Variants in NFIB observed in about 807,000 individuals in gnomAD.
NFIB encodes the protein nuclear factor I B.
In NFIB, 11 loss-of-function variants were observed where a neutral mutation model predicts 61.5. The ratio of observed to expected loss-of-function variants is 0.18; its 90% CI spans 0.11 to 0.30. The LOEUF is 0.30. Among genes scored for constraint, NFIB ranks in the 10% least tolerant of loss-of-function variants. The probability of loss-of-function intolerance (pLI) is 1.00; values close to 1 mark genes in which losing one functional copy is unlikely to be tolerated. For synonymous variants in NFIB, 260 were observed against 216.5 expected, an observed-to-expected ratio of 1.20 and a Z score of -1.76; for missense variants, 471 against 608.9, an observed-to-expected ratio of 0.77 and a Z score of 2.38.
rs141278178 is a variant in NFIB at position 14,106,738 on chromosome 9, T to C, written c.1467+6261A>G. On this transcript the variant is annotated intron_variant, in intron 10 of 10. Transcript: ENST00000380953. ...AATATTGCTTGTGACTTCAGACTAATAGTTTGTTTATTCAAATGGGGGTCC... is the reference window on the plus strand; with the variant it reads ...AATATTGCTTGTGACTTCAGACTAACAGTTTGTTTATTCAAATGGGGGTCC... 5.4e-3 allele frequency among the ~76,000 whole-genome samples: 828 copies of C among 152,200 alleles called. 9 individuals are homozygous for C. Among genetic ancestry groups the C allele is most frequent in the African/African-American group, 0.017 (713 of 41,548 alleles).
At chr9:14,355,851 G>A (rs1340256244) in intron 1 of NFIB, among the ~76,000 whole-genome samples, 1 of 152,226 alleles carries the variant, frequency 6.6e-6, no homozygotes, top group Non-Finnish European at 1.5e-5. Context: ...CAGCTACTCC[G>A]GAGGCTGAGG....
At chr9:14,408,242 C>CT in the NFIB span, among the ~76,000 whole-genome samples, 1 of 152,276 alleles carries the variant, frequency 6.6e-6, no homozygotes, top group South Asian at 2.1e-4. Flanking sequence ...CATTAAGAGT[C>CT]TAAGTTTAGC....
In NFIB at chr9:14,313,637, C is replaced by G. The variant is rs556490284; in HGVS notation, c.-126G>C. 6.4e-7 allele frequency: 1 copy of G among 1,559,320 alleles called. No individual in the cohort carries two copies. Among genetic ancestry groups the G allele is most frequent in the Non-Finnish European group, 8.7e-7 (1 of 1,153,624 alleles). On this transcript the variant is annotated 5_prime_UTR_variant, in exon 1 of 11. Transcript: ENST00000380953. This position sits in a 1 kb window ranked among gnomAD's most constrained non-coding sequence, Gnocchi z 4.5. Reference sequence around the variant, plus strand: ...CGATCAATCAGGACGGGGCTCTGCGCTGGATCACCGCAACTTCACAACAAA... The same window carrying G: ...CGATCAATCAGGACGGGGCTCTGCGGTGGATCACCGCAACTTCACAACAAA...
At chr9:14,398,594 A>G (rs1166316087) in exon 1 of NFIB, 30 of 1,534,668 alleles carry the variant, frequency 2.0e-5, no homozygotes, top group Admixed American at 1.6e-4. Context: ...TGCACAGCAG[A>G]CAACCCAGAA....
chr9:14,410,752 T>A, the NFIB span, among the ~76,000 whole-genome samples: 1 of 152,186 alleles, frequency 6.6e-6, no homozygotes, highest in Non-Finnish European at 1.5e-5. Flanking sequence ...CCCACTTTCC[T>A]AAACATGAGG....
At chr9:14,153,299 C>CTA (rs1452175119) in intron 4 of NFIB, among the ~76,000 whole-genome samples, 1 of 152,018 alleles carries the variant, frequency 6.6e-6, no homozygotes, top group Non-Finnish European at 1.5e-5. Context: ...GGCCAAAGTA[C>CTA]TAAAACAACA....
the NFIB span, among the ~76,000 whole-genome samples, chr9:14,412,237 A>G: frequency 6.6e-5 from 10 of 152,232 alleles, no homozygotes; most frequent in African/African-American, 2.2e-4. Context: ...GTGTTCCCAC[A>G]TAATGTATTG....
At chr9:14,294,456 AT>A (rs1376088142) in intron 2 of NFIB, among the ~76,000 whole-genome samples, 1 of 152,216 alleles carries the variant, frequency 6.6e-6, no homozygotes, top group Non-Finnish European at 1.5e-5. Flanking sequence ...ATCATATCAA[AT>A]CTTTCTGCCA....
chr9:14,275,890 TTGTTGA>T (rs2057963124), intron 2 of NFIB, among the ~76,000 whole-genome samples: 1 of 152,042 alleles, frequency 6.6e-6, no homozygotes. Context: ...AGACTAAAAG[TTGTTGA>T]TGTTCAAAAC....
At chr9:14,498,239 G>A in the NFIB span, among the ~76,000 whole-genome samples, 3 of 152,190 alleles carry the variant, frequency 2.0e-5, no homozygotes, top group African/African-American at 7.2e-5. Context: ...TCCTTGGAAG[G>A]TCAGGAGAAG....
At chr9:14,106,569 T>C (rs2036590540) in intron 10 of NFIB, among the ~76,000 whole-genome samples, 2 of 151,846 alleles carry the variant, frequency 1.3e-5, no homozygotes, top group African/African-American at 4.8e-5. Flanking sequence ...TCAGATTGCT[T>C]CAAAGAAAAA....
intron 1 of NFIB, among the ~76,000 whole-genome samples, chr9:14,337,183 G>C (rs541638354): frequency 6.6e-6 from 1 of 152,282 alleles, no homozygotes; most frequent in East Asian, 1.9e-4. Context: ...TGTGCAGAAG[G>C]TAACATATAC....
the NFIB span, among the ~76,000 whole-genome samples, chr9:14,484,815 T>G: frequency 6.6e-6 from 1 of 152,228 alleles, no homozygotes; most frequent in Admixed American, 6.5e-5. Flanking sequence ...GAGGCTGTAT[T>G]AGACAGCTCA....
At chr9:14,523,924 A>G in the NFIB span, among the ~76,000 whole-genome samples, 8 of 152,154 alleles carry the variant, frequency 5.3e-5, no homozygotes, top group African/African-American at 9.7e-5. Context: ...TAATTTCATC[A>G]TAATTCCAAC....
intron 2 of NFIB, among the ~76,000 whole-genome samples, chr9:14,187,519 ATAAAG>A (rs1158047871): frequency 6.6e-6 from 1 of 152,234 alleles, no homozygotes; most frequent in East Asian, 1.9e-4. Context: ...GATCTTCATG[ATAAAG>A]TAATTTCATT....
At chr9:14,318,505 C>CTTTTTTTTTTTTTTTTT (rs34481505), upstream of NFIB, among the ~76,000 whole-genome samples, 5 of 66,842 alleles carry the variant, frequency 7.5e-5, no homozygotes, top group African/African-American at 1.3e-4. Context: ...CACTCGATGC[C>CTTTTTTTTTTTTTTTTT]TTTTTTTTTT....
intron 3 of NFIB, among the ~76,000 whole-genome samples, chr9:14,158,992 A>G (rs1012305674): frequency 6.6e-6 from 1 of 151,952 alleles, no homozygotes; most frequent in African/African-American, 2.4e-5. Flanking sequence ...TACAATATCT[A>G]TGTGTAATCT....
chr9:14,389,082 G>T (rs967004432), intron 1 of NFIB, among the ~76,000 whole-genome samples: 4 of 152,116 alleles, frequency 2.6e-5, no homozygotes, highest in Non-Finnish European at 4.4e-5. Flanking sequence ...TTAGATGATC[G>T]CAAAGGTTTC....
At chr9:14,399,358 G>C (rs79602935), upstream of NFIB, among the ~76,000 whole-genome samples, 2,336 of 152,192 alleles carry the variant, frequency 0.015, 52 homozygotes, top group African/African-American at 0.054. Context: ...TCTTTGCTTT[G>C]TTCTTAATTT....
Sources: gnomAD v4.1 joint callset for allele counts (sites outside exome capture counted in the v4.1 genomes callset) on GRCh38, gnomAD v4.1.1 for gene constraint, Gnocchi (gnomAD v3.1) non-coding constraint, MANE v1.5 for transcripts, NCBI Gene and HGNC (gene_info 2026-07-23, HGNC 2026-07-21) for gene names.